The following DIO2 variants were observed in gnomAD, a reference collection of about 807,000 sequenced individuals.
DIO2 encodes the protein iodothyronine deiodinase 2.
A neutral mutation model predicts 21.4 loss-of-function variants in DIO2; 19 were observed. The observed-to-expected ratio is 0.89, with a 90% CI of 0.62 to 1.30. The LOEUF is 1.30. Among genes scored for constraint, DIO2 ranks in the 50% most tolerant of loss-of-function variants. The pLI, the probability that DIO2 is intolerant of heterozygous loss-of-function variation, is 0.00. For missense variants in DIO2, 302 were observed against 338.1 expected (o/e 0.89, Z 0.84); for synonymous variants, 122 against 132.9 (o/e 0.92, Z 0.57).
intron 1 of DIO2, chr14:80,206,131 T>C: frequency 1.3e-6 from 1 of 794,818 alleles, no homozygotes; most frequent in South Asian, 1.8e-5. Flanking sequence ...TATAATGTCA[T>C]AAATGGATAT....
At position 80,202,271 on chromosome 14, in the gene DIO2, A is replaced by T; in HGVS notation, c.*418T>A. 2 of 518,346 alleles carry T rather than the reference A, an allele frequency of 3.9e-6. No homozygotes were observed. Among genetic ancestry groups the T allele is most frequent in the Non-Finnish European group, 7.7e-6 (2 of 260,568 alleles). 32.1% of individuals were successfully genotyped at this position (518,346 alleles called of 1,614,324 possible). The stretch of plus-strand genomic sequence containing the variant: ...TTTGGGAATTTTCCAACTGGGCTCC[A>T]TCCATGCCAAATAGAGCCAAGGCAA... On this transcript the variant is annotated 3_prime_UTR_variant, in exon 2 of 2. Transcript: ENST00000438257.
At chr14:80,221,857 T>C (rs1888472545) in intron 2 of DIO2, among the ~76,000 whole-genome samples, 3 of 152,240 alleles carry the variant, frequency 2.0e-5, no homozygotes, top group African/African-American at 7.2e-5. Context: ...TTCCCCTTCC[T>C]GAGTCATTGA....
chr14:80,205,873 A>G, intron 1 of DIO2: 1 of 434,954 alleles, frequency 2.3e-6, no homozygotes, highest in Non-Finnish European at 3.6e-6. Context: ...ATTCTAGGTC[A>G]GTGAAGAATT....
intron 1 of DIO2, among the ~76,000 whole-genome samples, 199 bp downstream of exon 1, chr14:80,211,052 T>A (rs1435249248): frequency 6.6e-6 from 1 of 151,874 alleles, no homozygotes; most frequent in African/African-American, 2.4e-5. Context: ...TCACACAGAG[T>A]CATTATGGCT....
rs200970887 is a variant in DIO2 at position 80,206,303 on chromosome 14, T to G, written c.223-3015A>C. The G allele has an allele frequency of 8.5e-4, 1,337 of 1,571,150 alleles. 9 individuals carry two copies. The highest frequency in any genetic ancestry group is 2.7e-3 in the Middle Eastern group (15 of 5,510). ...CTTCATATACTAGTCATAAAATGTG[T>G]CCATCTTTGCTAAAACCTGATGGAG... On this transcript the variant is annotated intron_variant, in intron 1 of 1. Transcript: ENST00000438257.
At chr14:80,211,700 G>A, upstream of DIO2, 1 of 285,146 alleles carries the variant, frequency 3.5e-6, no homozygotes, top group Non-Finnish European at 6.3e-6. Context: ...CAGTTGGAGT[G>A]TGCCCATCAA....
chr14:80,229,663 G>T (rs1267195103), intron 2 of DIO2, among the ~76,000 whole-genome samples: 1 of 152,096 alleles, frequency 6.6e-6, no homozygotes, highest in African/African-American at 2.4e-5. Flanking sequence ...CTCACAGTGT[G>T]CCATCTTTTA....
intron 2 of DIO2, among the ~76,000 whole-genome samples, chr14:80,217,276 G>A (rs1352223730): frequency 6.6e-6 from 1 of 152,176 alleles, no homozygotes; most frequent in African/African-American, 2.4e-5. Flanking sequence ...GGACTCACAA[G>A]GTAGGGAAGA....
At chr14:80,227,188 C>G (rs1888593735) in intron 2 of DIO2, among the ~76,000 whole-genome samples, 1 of 152,210 alleles carries the variant, frequency 6.6e-6, no homozygotes, top group East Asian at 1.9e-4. Context: ...GCACAACCAT[C>G]TGTGAACCAG....
intron 1 of DIO2, among the ~76,000 whole-genome samples, chr14:80,207,133 G>A (rs1413872960): frequency 6.6e-6 from 1 of 152,146 alleles, no homozygotes; most frequent in Non-Finnish European, 1.5e-5. Flanking sequence ...ACCAACAAAG[G>A]AGGTAAATAA....
At chr14:80,210,939 T>A (rs775741368) in intron 1 of DIO2, among the ~76,000 whole-genome samples, 4 of 152,164 alleles carry the variant, frequency 2.6e-5, no homozygotes, top group Non-Finnish European at 5.9e-5. Context: ...CTCTTCTCCA[T>A]CATTTTCTGA....
upstream of DIO2, chr14:80,211,708 C>T: frequency 5.8e-6 from 1 of 173,074 alleles, no homozygotes; most frequent in Non-Finnish European, 1.1e-5. Flanking sequence ...GTGTGCCCAT[C>T]AATTCATTCA....
chr14:80,224,445 G>A (rs1372923912), intron 2 of DIO2, among the ~76,000 whole-genome samples: 6 of 150,544 alleles, frequency 4.0e-5, no homozygotes, highest in African/African-American at 1.2e-4. Flanking sequence ...TTATCTGAAG[G>A]TCCTTAAATG....
chr14:80,225,382 C>T (rs182671801), intron 2 of DIO2, among the ~76,000 whole-genome samples: 86 of 152,296 alleles, frequency 5.6e-4, no homozygotes, highest in African/African-American at 2.0e-3. Context: ...ACACACCAAT[C>T]CCAAACCAAA....
intron 1 of DIO2, among the ~76,000 whole-genome samples, chr14:80,210,288 C>T (rs926104293): frequency 1.3e-5 from 2 of 152,192 alleles, no homozygotes; most frequent in Non-Finnish European, 2.9e-5. Flanking sequence ...AAATCATCCT[C>T]TGTGCCCCTG....
rs374175123 is a variant in DIO2, at chr14:80,199,127, T to C, written c.*3562A>G. ...GACACCTTGTAATCCACCTTTGAAT[T>C]TTCCCGAAGGCATACATACTGTCTC... On this transcript the variant is annotated 3_prime_UTR_variant, in exon 2 of 2. Coordinates refer to ENST00000438257, the MANE Select transcript of DIO2 (RefSeq NM_013989.5). 5 of 152,206 alleles carry C rather than the reference T, an allele frequency of 3.3e-5. No homozygotes were observed. The East Asian group carries it at 7.7e-4, about 23-fold the overall frequency. The allele number at this position is 152,206 out of a possible 1,614,324, so 9.4% of individuals were successfully genotyped here. A position where few individuals can be genotyped will look rare whatever the true frequency, so the allele number is the denominator to read the frequency against.
chr14:80,206,364 T>G (rs1330484150), intron 1 of DIO2: 1 of 1,338,012 alleles, frequency 7.5e-7, no homozygotes, highest in Middle Eastern at 2.5e-4. Flanking sequence ...AAAACTTTTT[T>G]TAGATATGGA....
chr14:80,207,356 T>C (rs1190418285), intron 1 of DIO2, among the ~76,000 whole-genome samples: 2 of 152,188 alleles, frequency 1.3e-5, no homozygotes, highest in Admixed American at 1.3e-4. Flanking sequence ...AAAAGAACCA[T>C]TCATCAAGTA....
chr14:80,214,450 T>C (rs983878423), upstream of DIO2, among the ~76,000 whole-genome samples: 7 of 152,250 alleles, frequency 4.6e-5, no homozygotes, highest in African/African-American at 1.7e-4. Flanking sequence ...ATTAGGACTC[T>C]GTTGGGGGCT....
Sources: gnomAD v4.1 joint callset for allele counts (sites outside exome capture counted in the v4.1 genomes callset) on GRCh38, gnomAD v4.1.1 for gene constraint, MANE v1.5 for transcripts, NCBI Gene and HGNC (gene_info 2026-07-23, HGNC 2026-07-21) for gene names.